The following RGPD3 variants were observed in gnomAD, a reference collection of about 807,000 sequenced individuals.
The protein encoded by RGPD3 is ranBP2-like and GRIP domain-containing protein 3.
RGPD3 carries 62 observed loss-of-function variants against 154.5 expected under a neutral mutation model. That is an observed-to-expected ratio of 0.40 (90% CI 0.33 to 0.50). The LOEUF (loss-of-function observed/expected upper bound fraction) is 0.50. RGPD3 is among the 20% of genes least tolerant of loss of function. The pLI, the probability that RGPD3 is intolerant of heterozygous loss-of-function variation, is 0.59. For synonymous variants in RGPD3, 308 were observed against 607.0 expected (o/e 0.51, Z 7.24); for missense variants, 919 against 1,716.8 (o/e 0.54, Z 8.21).
upstream of RGPD3, among the ~76,000 whole-genome samples, chr2:106,469,533 T>G (rs1296415724): frequency 6.6e-6 from 1 of 152,180 alleles, no homozygotes; most frequent in East Asian, 1.9e-4. Context: ...CTGATAGCAC[T>G]AACCTTCCCT....
In RGPD3 at chr2:106,468,325, A is replaced by G; in HGVS notation, c.-37T>C. 12 of 1,584,658 alleles carry G rather than the reference A, an allele frequency of 7.6e-6. No homozygotes were observed. The highest frequency in any genetic ancestry group is 1.0e-5 in the Non-Finnish European group (12 of 1,166,752). On this transcript the variant is annotated 5_prime_UTR_variant, in exon 1 of 23. Coordinates refer to ENST00000409886, the MANE Select transcript of RGPD3 (RefSeq NM_001144013.2). ...CCTGGCTCCCGAGATGCGTGAGACC[A>G]GCGCTCAGCCCCGCAGCAGTCGCCA... is the stretch of plus-strand genomic sequence containing the variant.
rs973188308 is a variant in RGPD3, at chr2:106,404,781, C to T, written c.*438G>A. Among the ~76,000 whole-genome samples, 3 of 109,872 alleles carry T rather than the reference C, an allele frequency of 2.7e-5. No individual in the cohort carries two copies. Among genetic ancestry groups the T allele is most frequent in the African/African-American group, 9.7e-5 (3 of 30,770 alleles). The allele number at this position is 109,872 out of a possible 152,430, so 72.1% of individuals were successfully genotyped here. On this transcript the variant is annotated 3_prime_UTR_variant, in exon 23 of 23. Coordinates refer to ENST00000409886, the MANE Select transcript of RGPD3 (RefSeq NM_001144013.2). Reference sequence around the variant, plus strand: ...TGAATCACCACACCTGGCCTTGAAACATTATTTTTAAAGCCTAAATTCCAG... The same window carrying T: ...TGAATCACCACACCTGGCCTTGAAATATTATTTTTAAAGCCTAAATTCCAG...
chr2:106,438,531 C>A (rs1310037187), intron 9 of RGPD3, among the ~76,000 whole-genome samples: 1 of 149,982 alleles, frequency 6.7e-6, no homozygotes, highest in Non-Finnish European at 1.5e-5. Context: ...CCTGTAATCC[C>A]AGCACTTTGG....
Position 106,468,221 on chromosome 2 carries a change from C to A in RGPD3, c.68G>T (p.Arg23Leu), listed in dbSNP as rs114641853. ...ASVQGSAPSP[R>L]KKSTRGFYFA... is the part of the protein sequence containing the mutation. Reference sequence around the variant, plus strand: ...GTCTCTTCCAGACCCACTCACCTTTCGAGGCGACGGGGCGGAGCCCTGCAC... The same window carrying A: ...GTCTCTTCCAGACCCACTCACCTTTAGAGGCGACGGGGCGGAGCCCTGCAC... The change falls in exon 1 of 23, where the codon CGA becomes CTA. Residue 23 changes from arginine to leucine, a missense_variant. Coordinates refer to ENST00000409886, the MANE Select transcript of RGPD3 (RefSeq NM_001144013.2). 2 of 1,605,334 alleles carry A rather than the reference C, an allele frequency of 1.2e-6. No individual in the cohort carries two copies. The highest frequency in any genetic ancestry group is 1.7e-5 in the Admixed American group (1 of 59,218).
chr2:106,465,874 G>C (rs1678559189), intron 1 of RGPD3, among the ~76,000 whole-genome samples: 1 of 151,784 alleles, frequency 6.6e-6, no homozygotes, highest in Admixed American at 6.6e-5. Flanking sequence ...GGGACTTTCC[G>C]TGTCATTTGC....
rs1266029911 is a variant in RGPD3 at position 106,468,372 on chromosome 2, A to C, written c.-84T>G. 1.3e-6 allele frequency: 2 copies of C among 1,546,528 alleles called. No individual in the cohort carries two copies. Among genetic ancestry groups the C allele is most frequent in the Admixed American group, 2.0e-5 (1 of 50,792 alleles). On this transcript the variant is annotated 5_prime_UTR_variant, in exon 1 of 23. Transcript: ENST00000409886. Reference sequence around the variant, plus strand: ...GCCAATTCCAAGAGGAAAGCGCCTGAAAGCCACTGAGGCAGCGGCGTAGCC... The same window carrying C: ...GCCAATTCCAAGAGGAAAGCGCCTGCAAGCCACTGAGGCAGCGGCGTAGCC...
chr2:106,444,827 C>A (rs1247316179), intron 7 of RGPD3, among the ~76,000 whole-genome samples: 3 of 145,562 alleles, frequency 2.1e-5, no homozygotes, highest in Non-Finnish European at 4.5e-5. Context: ...AACTACATAT[C>A]AAAAAATTGT....
chr2:106,461,723 A>C (rs1252288513), intron 1 of RGPD3, among the ~76,000 whole-genome samples: 1 of 151,780 alleles, frequency 6.6e-6, no homozygotes, highest in Non-Finnish European at 1.5e-5. Context: ...CTGGGAATAA[A>C]TGTAAACAAG....
rs763408354 is a variant in RGPD3, at chr2:106,413,299, A to G, written c.5065-14T>C. On this transcript the variant is annotated splice_polypyrimidine_tract_variant and intron_variant, in intron 21 of 22. Coordinates refer to ENST00000409886, the MANE Select transcript of RGPD3 (RefSeq NM_001144013.2). ...ACTTTTGAGAAGCTGGTGTTAGAGA[A>G]ATGAGTTAAAAATGGGCTTTAGGAG... is the stretch of plus-strand genomic sequence containing the variant. 1 of 1,611,552 alleles carries G rather than the reference A, an allele frequency of 6.2e-7. No individual in the cohort carries two copies. Among genetic ancestry groups the G allele is most frequent in the African/African-American group, 1.3e-5 (1 of 74,788 alleles).
chr2:106,441,468 T>G, intron 7 of RGPD3, 88 bp from the exon 8 acceptor site: 1 of 819,208 alleles, frequency 1.2e-6, no homozygotes, highest in Non-Finnish European at 1.9e-6. Flanking sequence ...TGTACTTTTT[T>G]TGATAATGAA....
At chr2:106,414,007 C>T (rs1185791821) in intron 21 of RGPD3, among the ~76,000 whole-genome samples, 8 of 152,258 alleles carry the variant, frequency 5.3e-5, no homozygotes, top group Middle Eastern at 3.4e-3. Flanking sequence ...CCTGCCCCTA[C>T]GCTGTTCCTG....
intron 17 of RGPD3, 146 bp from the exon 18 acceptor site, chr2:106,429,927 A>G (rs1677315703): frequency 1.8e-6 from 1 of 563,546 alleles, no homozygotes; most frequent in Non-Finnish European, 3.1e-6. Flanking sequence ...TCTGTCGTCC[A>G]GGCTGGAGTG....
At chr2:106,441,862 G>A (rs1324517940) in intron 7 of RGPD3, among the ~76,000 whole-genome samples, 10 of 19,994 alleles carry the variant, frequency 5.0e-4, no homozygotes, top group Admixed American at 1.1e-3. Context: ...AGACTCCATC[G>A]CAAAAAAAAA....
Position 106,423,872 on chromosome 2 carries a change from G to A in RGPD3, c.4095C>T (p.Tyr1365=), listed in dbSNP as rs755955825. 4 of 1,611,786 alleles carry A rather than the reference G, an allele frequency of 2.5e-6. No homozygotes were observed. The East Asian group carries it at 6.7e-5, about 27-fold the overall frequency. ...ATTGACCAACATCTTTATCATATCT[G>A]TAGAATTCTGCCCTGTGACTAAAAA... ...QVVFSHRAEF[Y]RYDKDVGQWK... Residue 1365 remains tyrosine, a synonymous_variant, in exon 20 of 23, where the codon TAC becomes TAT. Coordinates refer to ENST00000409886, the MANE Select transcript of RGPD3 (RefSeq NM_001144013.2).
chr2:106,448,696 TG>T (rs1678009639), intron 6 of RGPD3, among the ~76,000 whole-genome samples: 1 of 151,592 alleles, frequency 6.6e-6, no homozygotes, highest in Non-Finnish European at 1.5e-5. Flanking sequence ...TGAGTTTTTT[TG>T]TTTTTGTTTT....
chr2:106,417,975 A>C (rs1027429131), intron 20 of RGPD3, among the ~76,000 whole-genome samples: 1 of 148,728 alleles, frequency 6.7e-6, no homozygotes, highest in Non-Finnish European at 1.5e-5. Context: ...CTAAAAATGC[A>C]AAAATTAGCC....
In RGPD3 at chr2:106,424,176, C is replaced by T. The variant is rs1344949152; in HGVS notation, c.3791G>A (p.Ser1264Asn). The T allele has an allele frequency of 2.5e-6, 4 of 1,611,686 alleles. No homozygotes were observed. Among genetic ancestry groups the T allele is most frequent in the Non-Finnish European group, 1.7e-6 (2 of 1,179,828 alleles). ...LREDALDDSVSSSSVHASPLA... is the reference protein window; with the variant it reads ...LREDALDDSVNSSSVHASPLA... Reference sequence around the variant, plus strand: ...TGGAGAAGCATGTACTGAGCTACTACTGACACTATCATCCAAAGCATCTTC... The same window carrying T: ...TGGAGAAGCATGTACTGAGCTACTATTGACACTATCATCCAAAGCATCTTC... The change falls in exon 20 of 23, where the codon AGT (serine) becomes AAT (asparagine). Residue 1264 changes from serine to asparagine, a missense_variant. Coordinates refer to ENST00000409886, the MANE Select transcript of RGPD3 (RefSeq NM_001144013.2).
chr2:106,447,752 C>T (rs868730389), intron 6 of RGPD3, 139 bp from the exon 7 acceptor site: 2,333 of 180,998 alleles, frequency 0.013, 63 homozygotes, highest in African/African-American at 0.061. Flanking sequence ...TCTTATTCCC[C>T]GTGTTATAAA....
intron 1 of RGPD3, among the ~76,000 whole-genome samples, chr2:106,462,320 T>C (rs1312539006): frequency 6.6e-6 from 1 of 150,928 alleles, no homozygotes; most frequent in Non-Finnish European, 1.5e-5. Flanking sequence ...ACTTTACAAA[T>C]TATTCTTCTG....
Sources: gnomAD v4.1 joint callset for allele counts (sites outside exome capture counted in the v4.1 genomes callset) on GRCh38, gnomAD v4.1.1 for gene constraint, MANE v1.5 for transcripts, NCBI Gene and HGNC (gene_info 2026-07-23, HGNC 2026-07-21) for gene names.